The following UGT1A3 variants were observed in gnomAD, a reference collection of about 807,000 sequenced individuals.
UGT1A3 encodes UDP glucuronosyltransferase family 1 member A3.
In UGT1A3, 31 loss-of-function variants were observed where a neutral mutation model predicts 41.0. The observed-to-expected ratio is 0.76, with a 90% CI of 0.57 to 1.02. The LOEUF is 1.02. Among genes scored for constraint, UGT1A3 ranks in the 50% least tolerant of loss-of-function variants. The pLI, the probability that UGT1A3 is intolerant of heterozygous loss-of-function variation, is 0.00. For missense variants in UGT1A3, 737 were observed against 671.0 expected (o/e 1.10, Z -1.09); for synonymous variants, 262 against 257.6 (o/e 1.02, Z -0.17).
intron 1 of UGT1A3, 104 bp downstream of exon 1, chr2:233,730,097 T>C: frequency 6.3e-7 from 1 of 1,588,304 alleles, no homozygotes; most frequent in Non-Finnish European, 8.6e-7. Flanking sequence ...TTTCCAAATA[T>C]TTCATTTCTG....
chr2:233,750,277 G>T (rs1168754564), intron 1 of UGT1A3, among the ~76,000 whole-genome samples: 1 of 151,936 alleles, frequency 6.6e-6, no homozygotes, highest in Admixed American at 6.5e-5. Context: ...TTAGCAAAGA[G>T]ACTGGTGGCA....
At chr2:233,761,797 A>G (rs570450259) in intron 1 of UGT1A3, among the ~76,000 whole-genome samples, 2 of 152,324 alleles carry the variant, frequency 1.3e-5, no homozygotes, top group South Asian at 2.1e-4. Context: ...TCAGCAGAGG[A>G]TAGAAAAGAA....
Position 233,729,375 on chromosome 2 carries a change from G to T in UGT1A3, c.249G>T (p.Ser83=), listed in dbSNP as rs148006660. 2 of 1,613,886 alleles carry T rather than the reference G, an allele frequency of 1.2e-6. No homozygotes were observed. Among genetic ancestry groups the T allele is most frequent in the Non-Finnish European group, 1.7e-6 (2 of 1,179,914 alleles). ...NFFTLTTYAI[S]WTQDEFDRHV... ...TCACCCTGACAACCTATGCCATTTC[G>T]TGGACCCAGGATGAATTTGATCGCC... The change falls in exon 1 of 5, where the codon TCG becomes TCT. Residue 83 remains serine, a synonymous_variant. Transcript: ENST00000482026.
intron 1 of UGT1A3, among the ~76,000 whole-genome samples, chr2:233,747,017 T>A (rs1217876341): frequency 1.3e-5 from 2 of 151,764 alleles, no homozygotes; most frequent in Non-Finnish European, 2.9e-5. Flanking sequence ...GAGTGATCGG[T>A]CTTTCCCGAA....
At chr2:233,746,512 G>C (rs992094720) in intron 1 of UGT1A3, among the ~76,000 whole-genome samples, 1 of 151,736 alleles carries the variant, frequency 6.6e-6, no homozygotes, top group Non-Finnish European at 1.5e-5. Context: ...AGCCCCCAAA[G>C]CAAGACCATC....
At chr2:233,765,043 G>A (rs987996173) in intron 1 of UGT1A3, among the ~76,000 whole-genome samples, 14 of 152,044 alleles carry the variant, frequency 9.2e-5, no homozygotes, top group Admixed American at 4.6e-4. Flanking sequence ...TGCAAATTGC[G>A]TTTGCTGAGC....
intron 1 of UGT1A3, among the ~76,000 whole-genome samples, chr2:233,748,713 G>T: frequency 6.6e-6 from 1 of 151,600 alleles, no homozygotes; most frequent in East Asian, 1.9e-4. Flanking sequence ...TTTGGGGTCT[G>T]GTGCATGATG....
At chr2:233,734,025 G>A (rs2078469594) in intron 1 of UGT1A3, among the ~76,000 whole-genome samples, 1 of 152,102 alleles carries the variant, frequency 6.6e-6, no homozygotes, top group East Asian at 1.9e-4. Context: ...GTTAATGGGT[G>A]CAGCACACCA....
In UGT1A3 at chr2:233,760,763, T is replaced by C. The variant is rs587784539; in HGVS notation, c.868-6271T>C. 4.6e-5 allele frequency: 74 copies of C among 1,613,968 alleles called. 1 individual carries two copies. In the South Asian group the frequency reaches 7.5e-4, roughly 16 times the overall value. ...GACCCTTTCCTTCCTTGCAGCCCCA[T>C]CGTGGCCCAGTACCTGTCTCTGCCC... On this transcript the variant is annotated intron_variant, in intron 1 of 4. Transcript: ENST00000482026.
Position 233,757,535 on chromosome 2 carries a change from A to AATATATATATATATATATATAT in UGT1A3, c.868-9494_868-9473dup, listed in dbSNP as rs67292694. Among the ~76,000 whole-genome samples, 69 of 88,256 alleles carry AATATATATATATATATATATAT rather than the reference A, an allele frequency of 7.8e-4. 1 individual carries two copies. Among genetic ancestry groups the AATATATATATATATATATATAT allele is most frequent in the South Asian group, 4.2e-3 (8 of 1,918 alleles). 57.9% of individuals were successfully genotyped at this position (88,256 alleles called of 152,430 possible). ...CAAAGCCAAAATCTTGCCTGTAAGG[A>AATATATATATATATATATATAT]ATATATATATATATATATATATATA... On this transcript the variant is annotated intron_variant, in intron 1 of 4. Transcript: ENST00000482026.
chr2:233,760,524 C>T (rs2125985415), intron 1 of UGT1A3: 1 of 1,614,240 alleles, frequency 6.2e-7, no homozygotes, highest in Non-Finnish European at 8.5e-7. Context: ...TGAAGACGTA[C>T]CCTGTGCCAT....
intron 1 of UGT1A3, among the ~76,000 whole-genome samples, chr2:233,739,350 G>A (rs1691066306): frequency 6.6e-6 from 1 of 152,146 alleles, no homozygotes; most frequent in South Asian, 2.1e-4. Flanking sequence ...ACCCAGAAGG[G>A]CAGATCCAAT....
Position 233,772,517 on chromosome 2 carries a change from A to C in UGT1A3, c.1563A>C (p.Lys521Asn). Residue 521 changes from lysine to asparagine, a missense_variant, in exon 5 of 5, where the codon AAA (lysine) becomes AAC (asparagine). Coordinates refer to ENST00000482026, the MANE Select transcript of UGT1A3 (RefSeq NM_019093.4). Reference protein sequence around the residue: ...CAYGYRKCLGKKGRVKKAHKS... With the variant: ...CAYGYRKCLGNKGRVKKAHKS... ...ATGGCTACCGGAAATGCTTGGGGAA[A>C]AAAGGGCGAGTTAAGAAAGCCCACA... The C allele has an allele frequency of 6.2e-7, 1 of 1,614,222 alleles. No individual in the cohort carries two copies.
rs1399932321 is a variant in UGT1A3, at chr2:233,747,632, C to A, written c.867+17639C>A. 22 of 1,580,286 alleles carry A rather than the reference C, an allele frequency of 1.4e-5. No homozygotes were observed. In the Admixed American group the frequency reaches 1.8e-4, roughly 13 times the overall value. On this transcript the variant is annotated intron_variant, in intron 1 of 4. Transcript: ENST00000482026. ...TGCATAATGAGGCCCTGATCAGGCA[C>A]CTGAATGCTACTTCCTTCGATGTGG...
chr2:233,747,481 A>T, intron 1 of UGT1A3: 1 of 1,608,962 alleles, frequency 6.2e-7, no homozygotes, highest in South Asian at 1.1e-5. Flanking sequence ...GATGAATTTG[A>T]TCGCCTTGTG....
At chr2:233,756,358 A>G (rs536694475) in intron 1 of UGT1A3, 1 of 152,314 alleles carries the variant, frequency 6.6e-6, no homozygotes, top group Non-Finnish European at 1.5e-5. Context: ...TTTACCTAAT[A>G]AATGTAAATG....
intron 1 of UGT1A3, chr2:233,755,811 GA>G (rs2125938248): frequency 6.6e-6 from 1 of 152,252 alleles, no homozygotes; most frequent in East Asian, 1.9e-4. Flanking sequence ...GATTAAAACA[GA>G]ATTAAAAAGA....
chr2:233,734,888 G>C (rs895051650), intron 1 of UGT1A3, among the ~76,000 whole-genome samples: 2 of 152,104 alleles, frequency 1.3e-5, no homozygotes, highest in African/African-American at 4.8e-5. Context: ...ACAGTTTGTT[G>C]TGATTTCTAT....
At chr2:233,731,048 G>A (rs1354846386) in intron 1 of UGT1A3, among the ~76,000 whole-genome samples, 4 of 152,194 alleles carry the variant, frequency 2.6e-5, no homozygotes, top group African/African-American at 9.7e-5. Context: ...TTCACCGAAT[G>A]TGTATGAACT....
Sources: allele counts gnomAD v4.1 joint callset (sites outside exome capture counted in the v4.1 genomes callset), GRCh38; gene constraint gnomAD v4.1.1; transcripts MANE v1.5; gene names NCBI Gene and HGNC (gene_info 2026-07-23, HGNC 2026-07-21).